TSPAN16: variants seen among roughly 807,000 people sequenced by gnomAD.
TSPAN16 encodes the protein tetraspanin-16.
TSPAN16 carries 23 observed loss-of-function variants against 25.2 expected under a neutral mutation model. The ratio of observed to expected loss-of-function variants is 0.91; its 90% CI spans 0.66 to 1.29. TSPAN16 has a LOEUF of 1.29. Ranked by LOEUF, TSPAN16 falls within the 50% of genes most tolerant of loss-of-function variation. TSPAN16 has a pLI of 0.00. For missense variants in TSPAN16, 272 were observed against 299.9 expected, an observed-to-expected ratio of 0.91 and a Z score of 0.69; for synonymous variants, 123 against 124.4, an observed-to-expected ratio of 0.99 and a Z score of 0.08.
rs111464692 is a variant in TSPAN16 at position 11,298,171 on chromosome 19, C to T, written c.99C>T (p.Gly33=). 2 of 1,614,018 alleles carry T rather than the reference C, an allele frequency of 1.2e-6. No individual in the cohort carries two copies. Among genetic ancestry groups the T allele is most frequent in the Non-Finnish European group, 1.7e-6 (2 of 1,180,026 alleles). Residue 33 remains glycine, a synonymous_variant, in exon 2 of 7, where the codon GGC becomes GGT. Coordinates refer to ENST00000590327, the MANE Select transcript of TSPAN16 (RefSeq NM_001282509.2). The part of the protein sequence containing the change: ...AVSGIILVGL[G]IGGKCGGASL... ...CTGGCATCATCCTAGTTGGCCTGGG[C>T]ATTGGTGGTAAATGTGGAGGGGCCT...
chr19:11,298,071 C>T (rs576773277), intron 1 of TSPAN16, 71 bp from the exon 2 acceptor site: 21 of 1,521,332 alleles, frequency 1.4e-5, no homozygotes, highest in African/African-American at 2.7e-5. Flanking sequence ...CATGAGCCAC[C>T]GCACTCACCC....
intron 3 of TSPAN16, among the ~76,000 whole-genome samples, chr19:11,299,518 T>C (rs951992538): frequency 6.6e-6 from 1 of 152,188 alleles, no homozygotes; most frequent in Non-Finnish European, 1.5e-5. Flanking sequence ...GTTTGCATAT[T>C]GATTGGGGTT....
At chr19:11,301,168 G>T (rs776265079) in intron 3 of TSPAN16, 33 bp from the exon 4 acceptor site, 12 of 1,576,768 alleles carry the variant, frequency 7.6e-6, no homozygotes, top group Middle Eastern at 1.7e-4. Context: ...CTTGCTAGTT[G>T]GGGTACTGAT....
downstream of TSPAN16, among the ~76,000 whole-genome samples, chr19:11,319,634 C>CA (rs979031743): frequency 3.3e-5 from 5 of 150,766 alleles, no homozygotes; most frequent in East Asian, 7.9e-4. Context: ...AACAAAAAAA[C>CA]AAAAAAAGGA....
chr19:11,320,748 G>GCC (rs1461102837), downstream of TSPAN16, among the ~76,000 whole-genome samples: 1 of 151,988 alleles, frequency 6.6e-6, no homozygotes, highest in African/African-American at 2.4e-5. Context: ...CTAAATCAGG[G>GCC]GAGGGGGCAG....
downstream of TSPAN16, among the ~76,000 whole-genome samples, chr19:11,320,358 G>A (rs2080771133): frequency 6.6e-6 from 1 of 152,126 alleles, no homozygotes; most frequent in Non-Finnish European, 1.5e-5. Flanking sequence ...CTGACCTCAA[G>A]TGATCCTCCT....
At chr19:11,316,811 C>CT (rs71164185), downstream of TSPAN16, among the ~76,000 whole-genome samples, 10,650 of 129,596 alleles carry the variant, frequency 0.082, 1,481 homozygotes, top group African/African-American at 0.28. Flanking sequence ...CCCCCCCCGC[C>CT]TTTTTTTTTT....
chr19:11,311,085 C>T (rs2080685776), intron 5 of TSPAN16, among the ~76,000 whole-genome samples: 1 of 138,632 alleles, frequency 7.2e-6, no homozygotes, highest in Non-Finnish European at 1.6e-5. Flanking sequence ...AATCTGCCAG[C>T]CTCGGCCTCT....
chr19:11,302,957 C>T (rs1268457739), intron 4 of TSPAN16, among the ~76,000 whole-genome samples: 1 of 149,216 alleles, frequency 6.7e-6, no homozygotes, highest in Admixed American at 6.7e-5. Context: ...CTCCTGGCCT[C>T]AGCCGCCCCG....
chr19:11,322,355 A>AAG (rs961779058), intron 6 of TSPAN16: 4 of 142,596 alleles, frequency 2.8e-5, no homozygotes, highest in African/African-American at 1.1e-4. Flanking sequence ...AAAGAAGAAG[A>AAG]AAAAAAAAAA....
At chr19:11,322,403 A>G (rs927895740) in intron 6 of TSPAN16, 1 of 151,994 alleles carries the variant, frequency 6.6e-6, no homozygotes, top group Non-Finnish European at 1.5e-5. Flanking sequence ...GCAATTTCCC[A>G]TCAAAACTGC....
At chr19:11,316,549 T>C (rs907639154), downstream of TSPAN16, among the ~76,000 whole-genome samples, 5 of 152,200 alleles carry the variant, frequency 3.3e-5, no homozygotes, top group Non-Finnish European at 7.3e-5. Context: ...CAATCCCCTT[T>C]TTACCCTTGA....
chr19:11,318,709 C>G (rs535029597), downstream of TSPAN16, among the ~76,000 whole-genome samples: 4 of 151,992 alleles, frequency 2.6e-5, no homozygotes, highest in African/African-American at 9.6e-5. Flanking sequence ...TGCAGTGGCA[C>G]GATCTCAGCT....
At chr19:11,325,333 C>G in intron 6 of TSPAN16, 1 of 1,109,344 alleles carries the variant, frequency 9.0e-7, no homozygotes, top group Non-Finnish European at 1.3e-6. Context: ...ACCACTGTGG[C>G]TCACGCCTCG....
intron 3 of TSPAN16, among the ~76,000 whole-genome samples, chr19:11,299,519 G>T (rs985075435): frequency 2.6e-5 from 4 of 152,206 alleles, no homozygotes; most frequent in Non-Finnish European, 5.9e-5. Context: ...TTTGCATATT[G>T]ATTGGGGTTT....
intron 6 of TSPAN16, chr19:11,325,680 G>A: frequency 8.2e-7 from 1 of 1,216,446 alleles, no homozygotes; most frequent in Non-Finnish European, 1.2e-6. Context: ...GCCTAGTTCT[G>A]CTCTTTATCC....
intron 6 of TSPAN16, chr19:11,325,359 G>C (rs200753789): frequency 7.3e-7 from 1 of 1,369,666 alleles, no homozygotes; most frequent in African/African-American, 1.4e-5. Flanking sequence ...AGTCCCTGCC[G>C]AGGCAGGAGA....
chr19:11,317,102 C>G (rs1307950490), downstream of TSPAN16, among the ~76,000 whole-genome samples: 1 of 152,076 alleles, frequency 6.6e-6, no homozygotes, highest in Non-Finnish European at 1.5e-5. Flanking sequence ...TGTGCCTGGC[C>G]TGACTCCATC....
At chr19:11,303,587 A>AC (rs2080593363) in intron 4 of TSPAN16, among the ~76,000 whole-genome samples, 1 of 147,794 alleles carries the variant, frequency 6.8e-6, no homozygotes, top group East Asian at 2.0e-4. Flanking sequence ...TAAAAAAAAA[A>AC]AAAAAAAAAA....
Sources: allele counts gnomAD v4.1 joint callset (sites outside exome capture counted in the v4.1 genomes callset), GRCh38; gene constraint gnomAD v4.1.1; transcripts MANE v1.5; gene names NCBI Gene and HGNC (gene_info 2026-07-23, HGNC 2026-07-21).